OPN3: variants seen among roughly 807,000 people sequenced by gnomAD.
The protein encoded by OPN3 is opsin 3.
OPN3 carries 29 observed loss-of-function variants against 33.8 expected under a neutral mutation model. That is an observed-to-expected ratio of 0.86 (90% CI 0.64 to 1.17). OPN3 has a LOEUF of 1.17. Ranked by LOEUF, OPN3 falls within the 50% of genes most tolerant of loss-of-function variation. The pLI is 0.00. For missense variants in OPN3, 437 were observed against 514.1 expected (o/e 0.85, Z 1.45); for synonymous variants, 216 against 216.1 (o/e 1.00, Z 0.00).
intron 1 of OPN3, among the ~76,000 whole-genome samples, chr1:241,626,275 C>G (rs1372335535): frequency 6.6e-6 from 1 of 152,156 alleles, no homozygotes; most frequent in Non-Finnish European, 1.5e-5. Context: ...AAACTGCTAG[C>G]TGGTCTTTCA....
At chr1:241,597,632 ATTC>A in intron 3 of OPN3, 111 bp downstream of exon 3, 1 of 1,075,078 alleles carries the variant, frequency 9.3e-7, no homozygotes, top group Non-Finnish European at 1.3e-6. Context: ...TTCCTAAAAA[ATTC>A]TTGTTTTTTT....
chr1:241,618,583 G>A (rs1053293736), intron 1 of OPN3, among the ~76,000 whole-genome samples: 1 of 152,304 alleles, frequency 6.6e-6, no homozygotes, highest in Admixed American at 6.5e-5. Context: ...CCCACACCAA[G>A]AGGTGCAGCG....
chr1:241,604,594 A>G lies in OPN3; in HGVS notation c.374-15T>C. On this transcript the variant is annotated splice_polypyrimidine_tract_variant and intron_variant, in intron 1 of 3. Transcript: ENST00000366554. The stretch of plus-strand genomic sequence containing the variant: ...GGAAACAATCCCTGCAAGAAGAGAA[A>G]GTGGAAAAGTATAGCATGGTGCAGG... The G allele has an allele frequency of 1.2e-6, 2 of 1,602,088 alleles. No homozygotes were observed. The highest frequency in any genetic ancestry group is 1.7e-6 in the Non-Finnish European group (2 of 1,172,888).
intron 1 of OPN3, among the ~76,000 whole-genome samples, chr1:241,605,936 T>C (rs1346851483): frequency 6.6e-6 from 1 of 152,226 alleles, no homozygotes; most frequent in Non-Finnish European, 1.5e-5. Flanking sequence ...CTCTATGAAA[T>C]AGTAAATTAT....
chr1:241,631,827 GCTAGA>G, intron 1 of OPN3: 1 of 152,216 alleles, frequency 6.6e-6, no homozygotes, highest in African/African-American at 2.4e-5. Context: ...CCCCGGCAAT[GCTAGA>G]CTAATTTTCG....
intron 1 of OPN3, among the ~76,000 whole-genome samples, chr1:241,614,621 G>A (rs907747870): frequency 6.6e-6 from 1 of 152,202 alleles, no homozygotes; most frequent in South Asian, 2.1e-4. Context: ...GTTATCTTTG[G>A]TTCTTTTAAT....
Position 241,598,012 on chromosome 1 carries a change from A to T in OPN3, c.694-15T>A. 1 of 1,608,660 alleles carries T rather than the reference A, an allele frequency of 6.2e-7. No homozygotes were observed. Among genetic ancestry groups the T allele is most frequent in the Non-Finnish European group, 8.5e-7 (1 of 1,178,078 alleles). On this transcript the variant is annotated splice_polypyrimidine_tract_variant and intron_variant, in intron 2 of 3. Coordinates refer to ENST00000366554, the MANE Select transcript of OPN3 (RefSeq NM_014322.3). The stretch of plus-strand genomic sequence containing the variant: ...ACACAACGAAGCTGCAGAAAGGAGA[A>T]AGAAAGGAAAGGGCTTAAAAAACAA...
intron 1 of OPN3, among the ~76,000 whole-genome samples, chr1:241,619,245 A>G (rs145328039): frequency 6.6e-6 from 1 of 152,320 alleles, no homozygotes; most frequent in East Asian, 1.9e-4. Context: ...TTGCCCCAAC[A>G]TAAGAACTGA....
chr1:241,640,208 C>T lies in OPN3; in HGVS notation c.47G>A (p.Gly16Asp), dbSNP rs1013717218. Residue 16 changes from glycine (G) to aspartate (D), a missense_variant, in exon 1 of 4, where the codon GGC (glycine) becomes GAC (aspartate). By Grantham distance (94) the Gly-to-Asp change is moderately conservative. Coordinates refer to ENST00000366554, the MANE Select transcript of OPN3 (RefSeq NM_014322.3). ...CGGCCCCTCAGCGCCCGCGGCCCCG[C>T]CGCCGTCCCAGTAGCCGTGGCCGCC... is the stretch of plus-strand genomic sequence containing the variant. ...RSGGHGYWDG[G>D]GAAGAEGPAP... The T allele has an allele frequency of 1.8e-5, 24 of 1,360,642 alleles. No homozygotes were observed. In the Admixed American group the frequency reaches 7.1e-4, roughly 40 times the overall value. 84.3% of individuals were successfully genotyped at this position (1,360,642 alleles called of 1,614,324 possible). A position where few individuals can be genotyped will look rare whatever the true frequency, so the allele number is the denominator to read the frequency against.
At chr1:241,604,759 T>C (rs1222798598) in intron 1 of OPN3, among the ~76,000 whole-genome samples, 180 bp from the exon 2 acceptor site, 2 of 152,060 alleles carry the variant, frequency 1.3e-5, no homozygotes, top group Non-Finnish European at 2.9e-5. Flanking sequence ...TAGTTATCCA[T>C]AAAAGGAACC....
chr1:241,638,966 T>C (rs1665007174), intron 1 of OPN3, among the ~76,000 whole-genome samples: 1 of 152,200 alleles, frequency 6.6e-6, no homozygotes, highest in Admixed American at 6.5e-5. Context: ...ATTTCAAATC[T>C]CCCTACAAAT....
chr1:241,633,697 T>C, intron 1 of OPN3: 4 of 1,250,874 alleles, frequency 3.2e-6, no homozygotes, highest in Non-Finnish European at 4.5e-6. Context: ...TCATCATATA[T>C]AACCACTTCT....
rs187341544 is a variant in OPN3, at chr1:241,624,134, T to C, written c.373+15748A>G. On this transcript the variant is annotated intron_variant, in intron 1 of 3. Transcript: ENST00000366554. The stretch of plus-strand genomic sequence containing the variant: ...TGCCTCCCCACGCCAGGCCAGGCAC[T>C]CTATGCTCCAGACACTGTGGACCCT... Among the ~76,000 whole-genome samples the C allele has an allele frequency of 2.7e-3, 401 of 148,774 alleles. 1 individual carries two copies. Among genetic ancestry groups the C allele is most frequent in the Non-Finnish European group, 3.9e-3 (266 of 67,600 alleles).
At chr1:241,614,404 C>T (rs537036643) in intron 1 of OPN3, among the ~76,000 whole-genome samples, 12 of 152,298 alleles carry the variant, frequency 7.9e-5, no homozygotes, top group Middle Eastern at 3.4e-3. Context: ...ATTGTGCTCA[C>T]TCATGCTATC....
chr1:241,633,920 A>G (rs766614640), intron 1 of OPN3: 3 of 1,613,892 alleles, frequency 1.9e-6, no homozygotes, highest in Middle Eastern at 1.7e-4. Flanking sequence ...ATCAAAGATA[A>G]TGTCTTCTGG....
intron 1 of OPN3, among the ~76,000 whole-genome samples, chr1:241,624,224 CT>C (rs1294197914): frequency 1.1e-3 from 137 of 122,854 alleles, no homozygotes; most frequent in African/African-American, 4.5e-3. Flanking sequence ...TGTGGACCCT[CT>C]TTCACCTGTC....
chr1:241,638,862 G>A (rs1665002889), intron 1 of OPN3, among the ~76,000 whole-genome samples: 1 of 152,028 alleles, frequency 6.6e-6, no homozygotes. Context: ...AAAGATTTTT[G>A]TTCTCCCAAA....
intron 1 of OPN3, among the ~76,000 whole-genome samples, chr1:241,628,010 G>C (rs938436072): frequency 3.3e-5 from 5 of 152,150 alleles, no homozygotes; most frequent in Non-Finnish European, 7.4e-5. Flanking sequence ...AAAAGAAAAA[G>C]TTTCTGATTA....
intron 2 of OPN3, chr1:241,600,396 T>C (rs1296903131): frequency 1.3e-5 from 2 of 152,182 alleles, no homozygotes; most frequent in African/African-American, 4.8e-5. Context: ...TATTCAATCA[T>C]TTGAGGATAG....
Sources: gnomAD v4.1 joint callset for allele counts (sites outside exome capture counted in the v4.1 genomes callset) on GRCh38, gnomAD v4.1.1 for gene constraint, MANE v1.5 for transcripts, NCBI Gene and HGNC (gene_info 2026-07-23, HGNC 2026-07-21) for gene names.